The following SPATA16 variants were observed in gnomAD, a reference collection of about 807,000 sequenced individuals.
SPATA16 encodes spermatogenesis associated 16, also known as spermatogenesis-associated protein 16.
SPATA16 carries 36 observed loss-of-function variants against 63.3 expected under a neutral mutation model. The observed-to-expected ratio is 0.57, with a 90% CI of 0.44 to 0.75. The LOEUF (loss-of-function observed/expected upper bound fraction) is 0.75. SPATA16 is among the 30% of genes least tolerant of loss of function. The pLI is 0.00. For missense variants in SPATA16, 646 were observed against 679.3 expected, an observed-to-expected ratio of 0.95 and a Z score of 0.54; for synonymous variants, 203 against 216.7, an observed-to-expected ratio of 0.94 and a Z score of 0.56.
intron 2 of SPATA16, among the ~76,000 whole-genome samples, chr3:173,112,348 C>G (rs1577180485): frequency 1.3e-5 from 2 of 152,198 alleles, no homozygotes; most frequent in East Asian, 3.9e-4. Flanking sequence ...TGCACAAGGA[C>G]CATCTGGAAT....
intron 4 of SPATA16, among the ~76,000 whole-genome samples, chr3:173,018,216 A>T (rs1577133972): frequency 6.6e-6 from 1 of 152,124 alleles, no homozygotes; most frequent in South Asian, 2.1e-4. Flanking sequence ...AACTGAGTTC[A>T]GGCAACTCCT....
At chr3:172,944,419 A>C (rs917173834) in intron 6 of SPATA16, among the ~76,000 whole-genome samples, 1 of 152,354 alleles carries the variant, frequency 6.6e-6, no homozygotes, top group East Asian at 1.9e-4. Flanking sequence ...GAGAATGTGA[A>C]ATGGTGTGGC....
chr3:173,085,285 G>C (rs979714757), intron 2 of SPATA16, among the ~76,000 whole-genome samples: 1 of 152,042 alleles, frequency 6.6e-6, no homozygotes, highest in Non-Finnish European at 1.5e-5. Flanking sequence ...TTGTGAATGG[G>C]AGTGCATTCA....
At chr3:173,048,495 C>A (rs1197988116) in intron 3 of SPATA16, among the ~76,000 whole-genome samples, 1 of 151,932 alleles carries the variant, frequency 6.6e-6, no homozygotes, top group Non-Finnish European at 1.5e-5. Flanking sequence ...GTATTTCATA[C>A]CTTTGGAAAG....
At chr3:173,014,048 G>C (rs923625706) in intron 4 of SPATA16, among the ~76,000 whole-genome samples, 21 of 152,052 alleles carry the variant, frequency 1.4e-4, no homozygotes, top group African/African-American at 5.1e-4. Flanking sequence ...ACTTAAAACA[G>C]AGCCACCATT....
At chr3:172,998,998 T>C (rs193104900) in intron 4 of SPATA16, among the ~76,000 whole-genome samples, 4 of 152,304 alleles carry the variant, frequency 2.6e-5, no homozygotes, top group Admixed American at 2.6e-4. Flanking sequence ...AGGCAATTTT[T>C]TTTTTCTTGT....
chr3:173,134,428 G>A (rs1345820925), intron 1 of SPATA16, among the ~76,000 whole-genome samples: 2 of 151,680 alleles, frequency 1.3e-5, no homozygotes, highest in Non-Finnish European at 2.9e-5. Flanking sequence ...GGAGGAGGTT[G>A]CAATGAGCTA....
intron 2 of SPATA16, among the ~76,000 whole-genome samples, chr3:173,086,680 AT>A (rs1238399826): frequency 6.6e-6 from 1 of 152,190 alleles, no homozygotes; most frequent in African/African-American, 2.4e-5. Context: ...ATTTAGTGCT[AT>A]AAATTTCCCT....
intron 6 of SPATA16, among the ~76,000 whole-genome samples, chr3:172,932,327 C>T (rs555535852): frequency 2.6e-5 from 4 of 152,008 alleles, no homozygotes; most frequent in Non-Finnish European, 5.9e-5. Flanking sequence ...TTCATTTTCT[C>T]CTCTCTTTTC....
At chr3:173,126,198 C>T (rs930455839) in intron 1 of SPATA16, among the ~76,000 whole-genome samples, 4 of 152,146 alleles carry the variant, frequency 2.6e-5, no homozygotes, top group Non-Finnish European at 5.9e-5. Context: ...GAACCAGAAC[C>T]TTCAGAAAAA....
At chr3:172,971,510 A>G (rs1734047556) in intron 5 of SPATA16, among the ~76,000 whole-genome samples, 1 of 152,148 alleles carries the variant, frequency 6.6e-6, no homozygotes, top group South Asian at 2.1e-4. Context: ...CAATTTAAGT[A>G]CCTTATAGTC....
intron 2 of SPATA16, among the ~76,000 whole-genome samples, chr3:173,080,663 A>G (rs1227613170): frequency 6.6e-6 from 1 of 152,152 alleles, no homozygotes; most frequent in African/African-American, 2.4e-5. Flanking sequence ...AGTTTTAGGC[A>G]ATTTCTAATC....
chr3:172,892,938 T>C (rs997567386), intron 10 of SPATA16, among the ~76,000 whole-genome samples: 1 of 152,226 alleles, frequency 6.6e-6, no homozygotes, highest in Non-Finnish European at 1.5e-5. Flanking sequence ...TACAGTGATA[T>C]GGACATTAGA....
chr3:172,899,648 A>G (rs138811372), intron 10 of SPATA16, among the ~76,000 whole-genome samples: 2 of 152,034 alleles, frequency 1.3e-5, no homozygotes, highest in African/African-American at 4.8e-5. Context: ...GGTATGTTAG[A>G]CCTTAGTCTG....
chr3:173,022,277 C>G (rs79392510), intron 3 of SPATA16, among the ~76,000 whole-genome samples: 85 of 152,126 alleles, frequency 5.6e-4, no homozygotes, highest in African/African-American at 2.0e-3. Flanking sequence ...TATTGCTAGA[C>G]GGACTAGGTT....
intron 6 of SPATA16, among the ~76,000 whole-genome samples, chr3:172,940,262 A>G (rs1015474417): frequency 2.0e-5 from 3 of 152,210 alleles, no homozygotes; most frequent in Non-Finnish European, 2.9e-5. Context: ...GTTGATCAGA[A>G]GTATTGCAAC....
intron 2 of SPATA16, among the ~76,000 whole-genome samples, chr3:173,113,356 C>T (rs1737799895): frequency 6.6e-6 from 1 of 152,186 alleles, no homozygotes; most frequent in Non-Finnish European, 1.5e-5. Flanking sequence ...CATACGATGA[C>T]TGTTTTTAAC....
At chr3:172,959,820 T>TATATATATATATATATATATATATA (rs1733708534) in intron 5 of SPATA16, among the ~76,000 whole-genome samples, 1 of 116,826 alleles carries the variant, frequency 8.6e-6, no homozygotes, top group African/African-American at 4.2e-5. Context: ...ATATATATAT[T>TATATATATATATATATATATATATA]TAGCATTATT....
intron 10 of SPATA16, among the ~76,000 whole-genome samples, chr3:172,902,129 T>C (rs36082615): frequency 0.094 from 14,296 of 152,140 alleles, 745 homozygotes; most frequent in African/African-American, 0.13. Context: ...CCTCCGCCTC[T>C]CGGGTTCAAG....
Sources: gnomAD v4.1 joint callset for allele counts (sites outside exome capture counted in the v4.1 genomes callset) on GRCh38, gnomAD v4.1.1 for gene constraint, MANE v1.5 for transcripts, NCBI Gene and HGNC (gene_info 2026-07-23, HGNC 2026-07-21) for gene names.